Variants in PACRG observed in about 807,000 individuals in gnomAD.
The protein encoded by PACRG is parkin coregulated.
In PACRG, 29 loss-of-function variants were observed where a neutral mutation model predicts 29.7. That is an observed-to-expected ratio of 0.98 (90% CI 0.73 to 1.33). The LOEUF is 1.33. Ranked by LOEUF, PACRG falls within the 40% of genes most tolerant of loss-of-function variation. PACRG has a pLI of 0.00. For synonymous variants in PACRG, 116 were observed against 118.7 expected (o/e 0.98, Z 0.15); for missense variants, 279 against 316.2 (o/e 0.88, Z 0.89).
intron 4 of PACRG, among the ~76,000 whole-genome samples, chr6:163,167,073 A>G (rs1778844832): frequency 6.6e-6 from 1 of 152,194 alleles, no homozygotes; most frequent in Non-Finnish European, 1.5e-5. Flanking sequence ...TGATGATGCT[A>G]TTGGGTCTGT....
At chr6:163,140,723 A>G (rs973287202) in intron 4 of PACRG, among the ~76,000 whole-genome samples, 8 of 152,270 alleles carry the variant, frequency 5.3e-5, no homozygotes, top group Admixed American at 5.2e-4. Flanking sequence ...ATTAAAATAA[A>G]TTCCTATAAC....
intron 2 of PACRG, among the ~76,000 whole-genome samples, chr6:162,981,857 G>T (rs1334913746): frequency 6.7e-6 from 1 of 149,292 alleles, no homozygotes; most frequent in African/African-American, 2.5e-5. Flanking sequence ...CAGTAAGATT[G>T]GTACCAATTC....
chr6:162,728,108 T>C lies in PACRG; in HGVS notation c.-128T>C, dbSNP rs1413653454. On this transcript the variant is annotated 5_prime_UTR_variant, in exon 1 of 5. Transcript: ENST00000366888. ...CAAACATCTGGATCAACCTGGGCAC[T>C]ACGAGGGGTTGAATTTCTACCATTA... 3.5e-6 allele frequency: 4 copies of C among 1,155,134 alleles called. No homozygotes were observed. The highest frequency in any genetic ancestry group is 1.5e-5 in the African/African-American group (1 of 64,858). The allele number at this position is 1,155,134 out of a possible 1,614,324, so 71.6% of individuals were successfully genotyped here. A position where few individuals can be genotyped will look rare whatever the true frequency, so the allele number is the denominator to read the frequency against.
At chr6:163,037,991 G>T (rs142192406) in intron 2 of PACRG, among the ~76,000 whole-genome samples, 34 of 152,336 alleles carry the variant, frequency 2.2e-4, no homozygotes, top group Non-Finnish European at 3.2e-4. Context: ...TAGTAAAGTG[G>T]CAATAATAAT....
Position 162,847,538 on chromosome 6 carries a change from T to C in PACRG, c.291+33257T>C, listed in dbSNP as rs148268088. Among the ~76,000 whole-genome samples, 16 of 151,044 alleles carry C rather than the reference T, an allele frequency of 1.1e-4. No individual in the cohort carries two copies. The East Asian group carries it at 3.1e-3, about 29-fold the overall frequency. Reference sequence around the variant, plus strand: ...CATCTAGTATGTGTGTATTGTTGAATGGATAAGGGGCCTCAGTATAAAGGT... The same window carrying C: ...CATCTAGTATGTGTGTATTGTTGAACGGATAAGGGGCCTCAGTATAAAGGT... On this transcript the variant is annotated intron_variant, in intron 2 of 4. Coordinates refer to ENST00000366888, the MANE Select transcript of PACRG (RefSeq NM_001080379.2).
chr6:163,128,717 TG>T (rs1816610849), intron 4 of PACRG, among the ~76,000 whole-genome samples: 3 of 152,152 alleles, frequency 2.0e-5, no homozygotes, highest in African/African-American at 7.2e-5. Flanking sequence ...TAGCCAAAAC[TG>T]TGTACATATT....
At chr6:162,831,352 G>C (rs1788757479) in intron 2 of PACRG, among the ~76,000 whole-genome samples, 1 of 152,108 alleles carries the variant, frequency 6.6e-6, no homozygotes, top group African/African-American at 2.4e-5. Context: ...TTTATGATAA[G>C]CCAGACATTG....
chr6:162,743,557 A>G (rs779328172), intron 1 of PACRG, among the ~76,000 whole-genome samples: 1 of 152,060 alleles, frequency 6.6e-6, no homozygotes, highest in Non-Finnish European at 1.5e-5. Flanking sequence ...TTTGTATGCT[A>G]TCTCTCGAAC....
intron 4 of PACRG, among the ~76,000 whole-genome samples, chr6:163,293,010 A>C (rs978808787): frequency 2.0e-5 from 3 of 152,216 alleles, no homozygotes; most frequent in African/African-American, 7.2e-5. Context: ...AAAATCAAGC[A>C]TAGTGCTAAT....
intron 4 of PACRG, among the ~76,000 whole-genome samples, chr6:163,220,684 A>G (rs559555072): frequency 6.6e-6 from 1 of 152,302 alleles, no homozygotes; most frequent in South Asian, 2.1e-4. Flanking sequence ...CTTTCCTTTA[A>G]TTATGTTTTT....
In PACRG at chr6:163,245,867, C is replaced by T. The variant is rs572374375; in HGVS notation, c.614-68960C>T. On this transcript the variant is annotated intron_variant, in intron 4 of 4. Transcript: ENST00000366888. ...CATGGGACCACTATCTATGATTTAC[C>T]AAGAACCGTAAAGTTATCTTGAAGT... 1.4e-4 allele frequency among the ~76,000 whole-genome samples: 22 copies of T among 152,254 alleles called. No homozygotes were observed. In the South Asian group the frequency reaches 4.4e-3, roughly 30 times the overall value.
intron 4 of PACRG, among the ~76,000 whole-genome samples, chr6:163,154,631 G>A (rs980776913): frequency 1.2e-4 from 19 of 152,098 alleles, no homozygotes; most frequent in African/African-American, 4.3e-4. Context: ...GATTCACAAA[G>A]AAAAATACAG....
chr6:163,249,005 G>A lies in PACRG; in HGVS notation c.614-65822G>A, dbSNP rs1782799520. Among the ~76,000 whole-genome samples the A allele has an allele frequency of 3.2e-5, 4 of 124,294 alleles. No homozygotes were observed. In the South Asian group the frequency reaches 1.1e-3, roughly 35 times the overall value. 81.5% of individuals were successfully genotyped at this position (124,294 alleles called of 152,430 possible). On this transcript the variant is annotated intron_variant, in intron 4 of 4. Coordinates refer to ENST00000366888, the MANE Select transcript of PACRG (RefSeq NM_001080379.2). ...CACTCCAGCCTGGGCAAGAGAGCGA[G>A]ACTCTGTCTCAAAAAAAAAAAAAAA...
intron 1 of PACRG, among the ~76,000 whole-genome samples, chr6:162,740,774 A>G (rs1780528225): frequency 6.7e-6 from 1 of 148,848 alleles, no homozygotes; most frequent in South Asian, 2.1e-4. Context: ...TAATTTTTGT[A>G]TTTTTAGTAG....
At chr6:163,280,096 G>A (rs1029296694) in intron 4 of PACRG, among the ~76,000 whole-genome samples, 2 of 152,168 alleles carry the variant, frequency 1.3e-5, no homozygotes, top group African/African-American at 2.4e-5. Context: ...TTCACCAAGC[G>A]TCTCTGCTCC....
chr6:162,974,363 G>A (rs1184153491), intron 2 of PACRG, among the ~76,000 whole-genome samples: 1 of 152,190 alleles, frequency 6.6e-6, no homozygotes, highest in Non-Finnish European at 1.5e-5. Context: ...ATACAGCAAT[G>A]TATCAATGAG....
chr6:163,202,263 G>A (rs1046436351), intron 4 of PACRG, among the ~76,000 whole-genome samples: 1 of 152,130 alleles, frequency 6.6e-6, no homozygotes, highest in African/African-American at 2.4e-5. Context: ...CTCTCTGAGT[G>A]GAAAGTCTCT....
At chr6:163,162,996 C>T (rs201908440) in intron 4 of PACRG, among the ~76,000 whole-genome samples, 3 of 152,200 alleles carry the variant, frequency 2.0e-5, no homozygotes, top group Non-Finnish European at 2.9e-5. Context: ...AACTCCAAAT[C>T]GATCAGCCTG....
chr6:163,142,236 G>A (rs1434259454), intron 4 of PACRG, among the ~76,000 whole-genome samples: 3 of 152,008 alleles, frequency 2.0e-5, no homozygotes, highest in Non-Finnish European at 4.4e-5. Flanking sequence ...TAGATGTCAA[G>A]GAAATGGTAA....
Sources: gnomAD v4.1 joint callset for allele counts (sites outside exome capture counted in the v4.1 genomes callset) on GRCh38, gnomAD v4.1.1 for gene constraint, MANE v1.5 for transcripts, NCBI Gene and HGNC (gene_info 2026-07-23, HGNC 2026-07-21) for gene names.